CTNNA2: variants seen among roughly 807,000 people sequenced by gnomAD.
The protein encoded by CTNNA2 is catenin alpha-2.
CTNNA2 carries 42 observed loss-of-function variants against 101.0 expected under a neutral mutation model. The observed-to-expected ratio is 0.42, with a 90% CI of 0.32 to 0.54. The LOEUF (loss-of-function observed/expected upper bound fraction) is 0.54, where lower values mean the gene tolerates loss of function less well. Among genes scored for constraint, CTNNA2 ranks in the 20% least tolerant of loss-of-function variants. The pLI is 0.14. For missense variants in CTNNA2, 871 were observed against 1,223.1 expected, an observed-to-expected ratio of 0.71 and a Z score of 4.29; for synonymous variants, 450 against 456.4, an observed-to-expected ratio of 0.99 and a Z score of 0.18.
At chr2:79,613,451 A>G (rs1558771759) in intron 1 of CTNNA2, among the ~76,000 whole-genome samples, 1 of 151,916 alleles carries the variant, frequency 6.6e-6, no homozygotes, top group East Asian at 1.9e-4. Context: ...TAAAATAATA[A>G]TAATAATAAA....
chr2:80,045,207 A>G (rs895471529), intron 7 of CTNNA2, among the ~76,000 whole-genome samples: 2 of 152,126 alleles, frequency 1.3e-5, no homozygotes, highest in African/African-American at 4.8e-5. Context: ...TTCTGTATCT[A>G]TCTGTGATCT....
At chr2:79,982,343 T>TATAACCTAG (rs1691406713) in intron 7 of CTNNA2, among the ~76,000 whole-genome samples, 2 of 108,646 alleles carry the variant, frequency 1.8e-5, no homozygotes, top group African/African-American at 6.8e-5. Flanking sequence ...ATAAAACATA[T>TATAACCTAG]ATAACCTATA....
At chr2:80,361,130 A>G (rs969111098) in intron 7 of CTNNA2, among the ~76,000 whole-genome samples, 2 of 152,020 alleles carry the variant, frequency 1.3e-5, no homozygotes, top group African/African-American at 4.8e-5. Flanking sequence ...CAATTTTTGT[A>G]GGCTACAAAT....
At chr2:79,751,910 G>A (rs1017745625) in intron 3 of CTNNA2, among the ~76,000 whole-genome samples, 5 of 152,014 alleles carry the variant, frequency 3.3e-5, no homozygotes, top group Non-Finnish European at 7.4e-5. Flanking sequence ...GGTGGTAATG[G>A]GAACAGAAAG....
chr2:79,654,575 C>A (rs113405497), intron 2 of CTNNA2, among the ~76,000 whole-genome samples: 119 of 152,324 alleles, frequency 7.8e-4, no homozygotes, highest in African/African-American at 2.8e-3. Context: ...CTTGTGATTA[C>A]AATGGGCTCA....
intron 1 of CTNNA2, among the ~76,000 whole-genome samples, chr2:79,563,167 A>G (rs1293207952): frequency 9.1e-5 from 8 of 87,744 alleles, no homozygotes; most frequent in Non-Finnish European, 5.5e-5. Context: ...ATGTGTATAT[A>G]TATATATATA....
At chr2:79,653,430 A>G (rs1184410712) in intron 2 of CTNNA2, among the ~76,000 whole-genome samples, 1 of 152,172 alleles carries the variant, frequency 6.6e-6, no homozygotes, top group Non-Finnish European at 1.5e-5. Context: ...GATTCACTCC[A>G]TTAGAAAAAC....
At chr2:79,749,294 A>G (rs1242834353) in intron 3 of CTNNA2, among the ~76,000 whole-genome samples, 1 of 152,140 alleles carries the variant, frequency 6.6e-6, no homozygotes, top group Non-Finnish European at 1.5e-5. Flanking sequence ...AGTATGCGTA[A>G]GTTTTTGCTC....
chr2:80,169,349 GAGGTCAC>G (rs1704902611), intron 7 of CTNNA2, among the ~76,000 whole-genome samples: 1 of 152,196 alleles, frequency 6.6e-6, no homozygotes, highest in African/African-American at 2.4e-5. Context: ...AGTGGTGGCT[GAGGTCAC>G]AGATTAACCA....
intron 1 of CTNNA2, among the ~76,000 whole-genome samples, chr2:79,559,989 A>G (rs1360245127): frequency 1.3e-5 from 2 of 151,816 alleles, no homozygotes; most frequent in Non-Finnish European, 2.9e-5. Context: ...TCAAACAGCT[A>G]TTATGTATGA....
intron 7 of CTNNA2, among the ~76,000 whole-genome samples, chr2:79,937,423 G>T (rs974605070): frequency 3.3e-5 from 5 of 152,168 alleles, no homozygotes; most frequent in African/African-American, 7.2e-5. Flanking sequence ...TTAGCATTCT[G>T]CATGTAGTGT....
At chr2:80,541,387 A>G (rs1691542131) in intron 9 of CTNNA2, among the ~76,000 whole-genome samples, 1 of 152,198 alleles carries the variant, frequency 6.6e-6, no homozygotes, top group Non-Finnish European at 1.5e-5. Flanking sequence ...AAATAACTGG[A>G]GGACTATCAA....
intron 4 of CTNNA2, among the ~76,000 whole-genome samples, chr2:79,863,155 A>C (rs71337757): frequency 0.21 from 32,586 of 151,772 alleles, 3,895 homozygotes; most frequent in East Asian, 0.55. Context: ...AACAACAAAA[A>C]AAAGTTCTAC....
At chr2:80,114,289 G>C (rs1474540367) in intron 7 of CTNNA2, among the ~76,000 whole-genome samples, 1 of 152,146 alleles carries the variant, frequency 6.6e-6, no homozygotes, top group East Asian at 1.9e-4. Context: ...TGTGATTTCA[G>C]GATATCAAAT....
intron 18 of CTNNA2, among the ~76,000 whole-genome samples, chr2:80,631,620 G>T (rs920243742): frequency 1.3e-5 from 2 of 152,030 alleles, no homozygotes; most frequent in African/African-American, 4.8e-5. Flanking sequence ...CAGACTAGAA[G>T]GTTCCAATTA....
chr2:79,838,576 G>A (rs762659357), intron 3 of CTNNA2, among the ~76,000 whole-genome samples: 2 of 152,012 alleles, frequency 1.3e-5, no homozygotes, highest in Non-Finnish European at 2.9e-5. Context: ...ATTATTATAG[G>A]TATTGATTCT....
intron 1 of CTNNA2, chr2:79,634,578 C>T (rs1440784569): frequency 2.0e-5 from 3 of 152,194 alleles, no homozygotes; most frequent in Non-Finnish European, 2.9e-5. Flanking sequence ...ATGAGCCGAA[C>T]AATTAAAGTA....
intron 7 of CTNNA2, among the ~76,000 whole-genome samples, chr2:80,367,266 G>A (rs1003320787): frequency 1.3e-5 from 2 of 152,128 alleles, no homozygotes; most frequent in African/African-American, 4.8e-5. Context: ...CTGAACTAGA[G>A]TATACAATGC....
At chr2:79,445,962 G>T (rs988134526) in intron 4 of CTNNA2, among the ~76,000 whole-genome samples, 4 of 152,078 alleles carry the variant, frequency 2.6e-5, no homozygotes, top group African/African-American at 9.7e-5. Context: ...GATCTAGAAA[G>T]ACTTAAAGAG....
Sources: allele counts gnomAD v4.1 joint callset (sites outside exome capture counted in the v4.1 genomes callset), GRCh38; gene constraint gnomAD v4.1.1; transcripts MANE v1.5; gene names NCBI Gene and HGNC (gene_info 2026-07-23, HGNC 2026-07-21).